The following ACOXL variants were observed in gnomAD, a reference collection of about 807,000 sequenced individuals.
ACOXL encodes the protein acyl-CoA oxidase like, also known as acyl-coenzyme A oxidase-like protein.
In ACOXL, 70 loss-of-function variants were observed where a neutral mutation model predicts 71.9. The ratio of observed to expected loss-of-function variants is 0.97; its 90% confidence interval spans 0.80 to 1.19. The LOEUF (loss-of-function observed/expected upper bound fraction) is 1.19. Ranked by LOEUF, ACOXL falls within the 50% of genes most tolerant of loss-of-function variation. ACOXL has a pLI of 0.00. For synonymous variants in ACOXL, 253 were observed against 281.6 expected, an observed-to-expected ratio of 0.90 and a Z score of 1.02; for missense variants, 703 against 736.3, an observed-to-expected ratio of 0.95 and a Z score of 0.52.
At position 111,012,506 on chromosome 2, in the gene ACOXL, G is replaced by A. The variant is rs189399594; in HGVS notation, c.1281+16502G>A. ...ATCTAATTCAATCTTCTTGATATTT[G>A]TAGGCATTTATTGAAAACTACACCC... is the stretch of plus-strand genomic sequence containing the variant. On this transcript the variant is annotated intron_variant, in intron 14 of 17. Coordinates refer to ENST00000439055, the MANE Select transcript of ACOXL (RefSeq NM_001142807.4). Among the ~76,000 whole-genome samples the A allele has an allele frequency of 1.8e-3, 277 of 152,232 alleles. 1 individual carries two copies. The highest frequency in any genetic ancestry group is 6.5e-3 in the African/African-American group (269 of 41,522).
chr2:110,979,904 C>T (rs1030765892), intron 12 of ACOXL, among the ~76,000 whole-genome samples: 1 of 152,198 alleles, frequency 6.6e-6, no homozygotes, highest in African/African-American at 2.4e-5. Flanking sequence ...GAGTTTTCAA[C>T]AGAAGGTAAG....
At chr2:110,749,438 T>C (rs1177223709) in intron 1 of ACOXL, among the ~76,000 whole-genome samples, 1 of 152,172 alleles carries the variant, frequency 6.6e-6, no homozygotes, top group African/African-American at 2.4e-5. Context: ...GACAGCAGCA[T>C]TGACAGGCCG....
intron 7 of ACOXL, among the ~76,000 whole-genome samples, chr2:110,800,028 G>A (rs1685772108): frequency 6.6e-6 from 1 of 152,202 alleles, no homozygotes; most frequent in African/African-American, 2.4e-5. Context: ...TGATAGGACA[G>A]AAACGGAACA....
intron 1 of ACOXL, among the ~76,000 whole-genome samples, chr2:110,751,606 A>G (rs1485032421): frequency 1.3e-5 from 2 of 152,216 alleles, no homozygotes; most frequent in African/African-American, 4.8e-5. Context: ...ATGAAATGCA[A>G]AAATCTTAAG....
At chr2:110,916,818 T>G (rs1480208249) in intron 11 of ACOXL, among the ~76,000 whole-genome samples, 1 of 152,160 alleles carries the variant, frequency 6.6e-6, no homozygotes, top group Non-Finnish European at 1.5e-5. Flanking sequence ...AAGAAATGGA[T>G]AAATTCCTGG....
rs368703884 is a variant in ACOXL, at chr2:110,793,679, T to C, written c.189T>C (p.Gly63=). The change falls in exon 4 of 18, where the codon GGT becomes GGC. Residue 63 remains glycine (G), a synonymous_variant. Transcript: ENST00000439055. ...KCGIIYWLFG[G]AIRNLGSPEH... The stretch of plus-strand genomic sequence containing the variant: ...GAATAATTTATTGGCTATTTGGTGG[T>C]GCTATCAGGAATCTCGGAAGCCCTG... 38 of 1,614,156 alleles carry C rather than the reference T, an allele frequency of 2.4e-5. No homozygotes were observed. In the African/African-American group the frequency reaches 4.5e-4, roughly 19 times the overall value.
At chr2:111,027,736 T>C (rs565998591) in intron 14 of ACOXL, among the ~76,000 whole-genome samples, 2 of 152,350 alleles carry the variant, frequency 1.3e-5, no homozygotes, top group East Asian at 3.9e-4. Context: ...TTGTGTTCTT[T>C]CAGGTACATT....
At chr2:110,976,082 T>G (rs2062431235) in intron 12 of ACOXL, among the ~76,000 whole-genome samples, 1 of 151,972 alleles carries the variant, frequency 6.6e-6, no homozygotes, top group African/African-American at 2.4e-5. Context: ...TTGGAAGAGA[T>G]TAGAACCTGA....
intron 12 of ACOXL, among the ~76,000 whole-genome samples, chr2:110,985,975 C>G (rs1157354686): frequency 6.6e-6 from 1 of 152,164 alleles, no homozygotes; most frequent in Non-Finnish European, 1.5e-5. Flanking sequence ...CTGTATCAAT[C>G]AAGTTCGTGG....
chr2:110,951,696 T>G (rs561473890), intron 12 of ACOXL, among the ~76,000 whole-genome samples: 62 of 152,218 alleles, frequency 4.1e-4, no homozygotes, highest in Non-Finnish European at 7.6e-4. Context: ...AATATATTCA[T>G]TTTATGGAAT....
At chr2:110,735,953 C>CA (rs1676784130) in intron 1 of ACOXL, among the ~76,000 whole-genome samples, 1 of 152,132 alleles carries the variant, frequency 6.6e-6, no homozygotes, top group Non-Finnish European at 1.5e-5. Flanking sequence ...AAAGCCCCCC[C>CA]ATAGGATTCT....
intron 16 of ACOXL, among the ~76,000 whole-genome samples, chr2:111,063,230 T>C (rs2149891128): frequency 6.6e-6 from 1 of 152,296 alleles, no homozygotes. Context: ...CTTCACAATA[T>C]TTTCCATAAT....
At chr2:110,959,336 C>T (rs1310472092) in intron 12 of ACOXL, among the ~76,000 whole-genome samples, 1 of 152,204 alleles carries the variant, frequency 6.6e-6, no homozygotes, top group South Asian at 2.1e-4. Flanking sequence ...AGAAGTCCTG[C>T]TCTTCTCCCA....
chr2:110,790,691 G>T (rs956459550), intron 3 of ACOXL, among the ~76,000 whole-genome samples: 1 of 152,140 alleles, frequency 6.6e-6, no homozygotes, highest in Non-Finnish European at 1.5e-5. Flanking sequence ...AGGACGCTGG[G>T]TAGTCTGACA....
chr2:110,806,382 C>G (rs950781693), intron 9 of ACOXL, among the ~76,000 whole-genome samples: 1 of 152,218 alleles, frequency 6.6e-6, no homozygotes, highest in Non-Finnish European at 1.5e-5. Flanking sequence ...TCTGAAGTCC[C>G]AGGTCAGGAG....
At chr2:110,933,468 C>T in intron 11 of ACOXL, 21 bp from the exon 12 acceptor site, 1 of 1,607,724 alleles carries the variant, frequency 6.2e-7, no homozygotes, top group Non-Finnish European at 8.5e-7. Flanking sequence ...TTCCATCACA[C>T]ATGTCTGCTT....
At chr2:110,908,928 C>T (rs1187459168) in intron 11 of ACOXL, 23 bp downstream of exon 11, 1 of 1,587,154 alleles carries the variant, frequency 6.3e-7, no homozygotes. Flanking sequence ...TCAGGGTTTG[C>T]TCTCTTAGGG....
chr2:110,759,843 A>G (rs1028422409), intron 1 of ACOXL, among the ~76,000 whole-genome samples: 1 of 152,076 alleles, frequency 6.6e-6, no homozygotes, highest in Non-Finnish European at 1.5e-5. Context: ...ACACATTTCT[A>G]TTTGTCCAAG....
chr2:110,971,177 A>G (rs535195555), intron 12 of ACOXL, among the ~76,000 whole-genome samples: 2 of 152,346 alleles, frequency 1.3e-5, no homozygotes, highest in East Asian at 3.9e-4. Flanking sequence ...CAGACATTTC[A>G]CTGAAGAGGA....
Sources: allele counts gnomAD v4.1 joint callset (sites outside exome capture counted in the v4.1 genomes callset), GRCh38; gene constraint gnomAD v4.1.1; transcripts MANE v1.5; gene names NCBI Gene and HGNC (gene_info 2026-07-23, HGNC 2026-07-21).